Variants in CSMD1 observed in about 807,000 individuals in gnomAD.
The protein encoded by CSMD1 is CUB and sushi domain-containing protein 1.
Under a neutral mutation model 417.5 loss-of-function variants are expected in CSMD1, and 213 were observed. The ratio of observed to expected loss-of-function variants is 0.51; its 90% CI spans 0.46 to 0.57. The LOEUF (loss-of-function observed/expected upper bound fraction) is 0.57, where lower values mean the gene tolerates loss of function less well. Ranked by LOEUF, CSMD1 falls within the 20% of genes least tolerant of loss-of-function variation. The pLI is 0.00. For missense variants in CSMD1, 6,923 were observed against 4,529.7 expected (o/e 1.53, Z -15.17); for synonymous variants, 2,862 against 1,736.8 (o/e 1.65, Z -16.11).
chr8:3,383,109 A>G (rs996575458), intron 18 of CSMD1, among the ~76,000 whole-genome samples: 1 of 123,732 alleles, frequency 8.1e-6, no homozygotes, highest in African/African-American at 3.1e-5. Context: ...CCACAAATCC[A>G]CAAATTTTTA....
chr8:3,545,477 C>A (rs758566467), intron 10 of CSMD1, among the ~76,000 whole-genome samples: 3 of 152,156 alleles, frequency 2.0e-5, no homozygotes, highest in Admixed American at 6.5e-5. Flanking sequence ...AGGCCTAGGT[C>A]TACAGACAAT....
intron 1 of CSMD1, among the ~76,000 whole-genome samples, chr8:4,858,947 C>T (rs1322293443): frequency 4.0e-5 from 6 of 150,412 alleles, no homozygotes; most frequent in Non-Finnish European, 8.9e-5. Context: ...AAAAAGAGCC[C>T]GCATCGCCAA....
chr8:3,935,418 G>A (rs144043267), intron 5 of CSMD1, among the ~76,000 whole-genome samples: 2 of 152,074 alleles, frequency 1.3e-5, no homozygotes, highest in African/African-American at 2.4e-5. Flanking sequence ...GCAAATAACT[G>A]GGTTTTTGAA....
intron 5 of CSMD1, among the ~76,000 whole-genome samples, chr8:3,837,690 G>C (rs375714639): frequency 5.9e-5 from 9 of 152,122 alleles, no homozygotes; most frequent in African/African-American, 1.2e-4. Flanking sequence ...CTCTTGAGTA[G>C]GAAGAGTAAT....
intron 1 of CSMD1, among the ~76,000 whole-genome samples, chr8:4,712,905 A>G (rs550077352): frequency 6.6e-6 from 1 of 152,336 alleles, no homozygotes; most frequent in Non-Finnish European, 1.5e-5. Flanking sequence ...ACAATTTTCA[A>G]AAAGGGTGCT....
chr8:3,672,415 G>T (rs73183313), intron 7 of CSMD1, among the ~76,000 whole-genome samples: 22,354 of 152,150 alleles, frequency 0.15, 1,981 homozygotes, highest in South Asian at 0.22. Flanking sequence ...AACATAAACA[G>T]TCCAGGGTGT....
At chr8:4,015,255 T>C (rs899455902) in intron 4 of CSMD1, among the ~76,000 whole-genome samples, 5 of 152,206 alleles carry the variant, frequency 3.3e-5, no homozygotes, top group African/African-American at 1.2e-4. Context: ...TGAAACATAA[T>C]TGATAAAAAC....
intron 3 of CSMD1, among the ~76,000 whole-genome samples, chr8:4,148,868 C>A (rs997609769): frequency 3.3e-5 from 5 of 152,152 alleles, no homozygotes; most frequent in East Asian, 1.9e-4. Context: ...GGCACATGGT[C>A]GAGAGACACA....
intron 3 of CSMD1, among the ~76,000 whole-genome samples, chr8:4,239,438 C>G (rs560859833): frequency 6.6e-6 from 1 of 152,152 alleles, no homozygotes; most frequent in Non-Finnish European, 1.5e-5. Context: ...CTCCTGGAGG[C>G]TGGGTCCTGG....
intron 1 of CSMD1, among the ~76,000 whole-genome samples, chr8:4,950,179 CATA>C (rs1808647574): frequency 6.6e-6 from 1 of 152,116 alleles, no homozygotes; most frequent in South Asian, 2.1e-4. Flanking sequence ...ATTGTGCTAT[CATA>C]ATCTTTGTAC....
At chr8:4,821,708 T>A (rs536335173) in intron 1 of CSMD1, among the ~76,000 whole-genome samples, 3 of 152,268 alleles carry the variant, frequency 2.0e-5, no homozygotes, top group South Asian at 2.1e-4. Flanking sequence ...TTCATTTTGG[T>A]TGAATTCCAA....
chr8:4,220,314 T>A (rs1800950374), intron 3 of CSMD1, among the ~76,000 whole-genome samples: 1 of 152,134 alleles, frequency 6.6e-6, no homozygotes, highest in African/African-American at 2.4e-5. Flanking sequence ...ACTGGAAATT[T>A]GAAGCGTGAG....
intron 5 of CSMD1, among the ~76,000 whole-genome samples, chr8:3,890,463 T>G (rs376288666): frequency 6.6e-6 from 1 of 151,628 alleles, no homozygotes; most frequent in South Asian, 2.1e-4. Context: ...GGATTCCAGC[T>G]GAGTGAGGGA....
At chr8:3,426,334 A>G (rs1393546824) in intron 12 of CSMD1, among the ~76,000 whole-genome samples, 1 of 152,210 alleles carries the variant, frequency 6.6e-6, no homozygotes, top group Non-Finnish European at 1.5e-5. Context: ...TCCGTAGGTT[A>G]CGTATCAGAC....
At chr8:4,260,658 A>T (rs1226282801) in intron 3 of CSMD1, among the ~76,000 whole-genome samples, 1 of 152,196 alleles carries the variant, frequency 6.6e-6, no homozygotes, top group Non-Finnish European at 1.5e-5. Flanking sequence ...TGATTTTCAT[A>T]TAATTTCAGT....
chr8:3,157,765 T>A (rs756352967), intron 39 of CSMD1, 132 bp downstream of exon 39: 3 of 700,500 alleles, frequency 4.3e-6, no homozygotes, highest in Non-Finnish European at 7.6e-6. Flanking sequence ...TACTGCATTA[T>A]GTGCTATTAG....
intron 1 of CSMD1, among the ~76,000 whole-genome samples, chr8:4,959,209 G>A (rs1809319293): frequency 6.6e-6 from 1 of 152,206 alleles, no homozygotes; most frequent in Non-Finnish European, 1.5e-5. Flanking sequence ...CAACGTTACT[G>A]CCATGAAGCG....
chr8:3,405,996 G>C, intron 15 of CSMD1, 31 bp downstream of exon 15: 1 of 1,601,026 alleles, frequency 6.2e-7, no homozygotes, highest in Admixed American at 1.7e-5. Context: ...TGATTTCAAA[G>C]GAGAAGAGCG....
intron 3 of CSMD1, among the ~76,000 whole-genome samples, chr8:4,402,437 C>T (rs570714375): frequency 1.1e-3 from 168 of 152,262 alleles, no homozygotes; most frequent in African/African-American, 3.9e-3. Context: ...CTGAGAGTGA[C>T]TGGAAGATAG....
Sources: allele counts gnomAD v4.1 joint callset (sites outside exome capture counted in the v4.1 genomes callset), GRCh38; gene constraint gnomAD v4.1.1; transcripts MANE v1.5; gene names NCBI Gene and HGNC (gene_info 2026-07-23, HGNC 2026-07-21).